Variants in PKM observed in about 807,000 individuals in gnomAD.
The protein encoded by PKM is pyruvate kinase M1/2.
Under a neutral mutation model 49.8 loss-of-function variants are expected in PKM, and 18 were observed. That is an observed-to-expected ratio of 0.36 (90% CI 0.25 to 0.54). PKM has a LOEUF of 0.54. PKM is among the 20% of genes least tolerant of loss of function. PKM has a pLI of 0.89. For synonymous variants in PKM, 239 were observed against 261.8 expected, an observed-to-expected ratio of 0.91 and a Z score of 0.84; for missense variants, 508 against 713.8, an observed-to-expected ratio of 0.71 and a Z score of 3.28.
At chr15:72,209,575 T>G in intron 5 of PKM, 98 bp downstream of exon 5, 13 of 999,060 alleles carry the variant, frequency 1.3e-5, no homozygotes, top group Non-Finnish European at 2.1e-5. Context: ...AGACTCAATC[T>G]CACTGCCAGG....
In PKM at chr15:72,207,256, G is replaced by A. The variant is rs773153928; in HGVS notation, c.858C>T (p.Ala286=). 2 of 1,614,018 alleles carry A rather than the reference G, an allele frequency of 1.2e-6. No homozygotes were observed. Among genetic ancestry groups the A allele is most frequent in the Non-Finnish European group, 1.7e-6 (2 of 1,180,008 alleles). Residue 286 remains alanine, a synonymous_variant, in exon 7 of 11, where the codon GCC becomes GCT. Transcript: ENST00000335181. ...CACGAGCCACCATGATCCCATCACT[G>A]GCCTCCAGGATTTCATCAAACCTGA... ...GVRRFDEILE[A]SDGIMVARGD...
At chr15:72,228,176 G>C (rs573646006) in intron 1 of PKM, among the ~76,000 whole-genome samples, 19 of 152,314 alleles carry the variant, frequency 1.2e-4, no homozygotes, top group African/African-American at 4.6e-4. Context: ...CAGTAACTGA[G>C]AAATGAGTTC....
rs1596735699 is a variant in PKM, at chr15:72,206,824, C to A, written c.1044G>T (p.Val348=). The A allele has an allele frequency of 1.2e-6, 2 of 1,614,178 alleles. No individual in the cohort carries two copies. The highest frequency in any genetic ancestry group is 1.7e-6 in the Non-Finnish European group (2 of 1,180,010). Residue 348 remains valine, a synonymous_variant, in exon 8 of 11, where the codon GTG becomes GTT. Coordinates refer to ENST00000335181, the MANE Select transcript of PKM (RefSeq NM_002654.6). ...PRPTRAEGSD[V]ANAVLDGADC... is the part of the protein sequence containing the mutation. ...CGGCTCCATCCAGGACTGCATTGGC[C>A]ACATCACTGCCTTCAGCCCGAGTGG...
rs751479501 is a variant in PKM at position 72,206,793 on chromosome 15, T to C, written c.1075A>G (p.Ile359Val). The change falls in exon 8 of 11, where the codon ATC (isoleucine) becomes GTC (valine). Residue 359 changes from isoleucine to valine, a missense_variant. Coordinates refer to ENST00000335181, the MANE Select transcript of PKM (RefSeq NM_002654.6). ...ANAVLDGADCIMLSGETAKGD... is the reference protein window; with the variant it reads ...ANAVLDGADCVMLSGETAKGD... ...TTGGCTGTTTCTCCAGACAGCATGA[T>C]GCAGTCGGCTCCATCCAGGACTGCA... is the stretch of plus-strand genomic sequence containing the variant. The C allele has an allele frequency of 2.5e-6, 4 of 1,614,180 alleles. No homozygotes were observed. Among genetic ancestry groups the C allele is most frequent in the Non-Finnish European group, 3.4e-6 (4 of 1,180,020 alleles).
intron 3 of PKM, among the ~76,000 whole-genome samples, chr15:72,214,974 G>A (rs189247486): frequency 6.5e-4 from 98 of 151,770 alleles, no homozygotes; most frequent in African/African-American, 2.3e-3. Flanking sequence ...CGAGGCAGTC[G>A]GATCACCTGA....
rs1036706095 is a variant in PKM, at chr15:72,231,140, A to G, written c.-38T>C. Reference sequence around the variant, plus strand: ...CCTCCGGCGCTGACCGACTCGGGCTACGCTGCAAAGACGAAGAGATCCGGA... The same window carrying G: ...CCTCCGGCGCTGACCGACTCGGGCTGCGCTGCAAAGACGAAGAGATCCGGA... On this transcript the variant is annotated 5_prime_UTR_variant, in exon 1 of 11. Coordinates refer to ENST00000335181, the MANE Select transcript of PKM (RefSeq NM_002654.6). The G allele has an allele frequency of 3.1e-6, 1 of 324,996 alleles. No homozygotes were observed. Among genetic ancestry groups the G allele is most frequent in the African/African-American group, 2.2e-5 (1 of 46,216 alleles). The allele number at this position is 324,996 out of a possible 1,614,324, so 20.1% of individuals were successfully genotyped here.
rs764572218 is a variant in PKM at position 72,218,990 on chromosome 15, A to G, written c.108T>C (p.Asp36=). Residue 36 remains aspartate, a synonymous_variant, in exon 2 of 11, where the codon GAT becomes GAC. Coordinates refer to ENST00000335181, the MANE Select transcript of PKM (RefSeq NM_002654.6). Reference sequence around the variant, plus strand: ...TGTTCCGGGCTGTGATGGGTGGTGAATCAATGTCCAGGCGGCACATGTGCT... The same window carrying G: ...TGTTCCGGGCTGTGATGGGTGGTGAGTCAATGTCCAGGCGGCACATGTGCT... ...FLEHMCRLDI[D]SPPITARNTG... The G allele has an allele frequency of 1.5e-4, 247 of 1,614,018 alleles. No homozygotes were observed. The highest frequency in any genetic ancestry group is 1.9e-4 in the Non-Finnish European group (227 of 1,180,032).
At position 72,200,584 on chromosome 15, in the gene PKM, G is replaced by C; in HGVS notation, c.1379C>G (p.Ala460Gly). 1 of 1,614,048 alleles carries C rather than the reference G, an allele frequency of 6.2e-7. No individual in the cohort carries two copies. The highest frequency in any genetic ancestry group is 8.5e-7 in the Non-Finnish European group (1 of 1,179,956). The change falls in exon 10 of 11, where the codon GCT becomes GGT. Residue 460 changes from alanine to glycine, a missense_variant. Ala to Gly is a moderately conservative substitution (Grantham distance 60). Coordinates refer to ENST00000335181, the MANE Select transcript of PKM (RefSeq NM_002654.6). The surrounding 1 kb of genome is among the most constrained non-coding windows in gnomAD (Gnocchi z 4.6). ...GCCACGGTACAGGTGGGCCTGACGA[G>C]CTGTCTGGGGATTCCGGGTCACAGC... is the stretch of plus-strand genomic sequence containing the variant. ...IIAVTRNPQTARQAHLYRGIF... is the reference protein window; with the variant it reads ...IIAVTRNPQTGRQAHLYRGIF...
At chr15:72,231,194 G>C (rs958355179), upstream of PKM, 1 of 261,356 alleles carries the variant, frequency 3.8e-6, no homozygotes, top group African/African-American at 2.3e-5. Context: ...GCTGTGCAAG[G>C]AGCCACTGCC....
intron 1 of PKM, among the ~76,000 whole-genome samples, chr15:72,225,575 AC>A (rs2082645906): frequency 6.6e-6 from 1 of 152,088 alleles, no homozygotes; most frequent in Non-Finnish European, 1.5e-5. Flanking sequence ...TCTATACTGA[AC>A]CCTATAATAT....
At chr15:72,206,940 A>G in intron 7 of PKM, 60 bp from the exon 8 acceptor site, 1 of 1,590,234 alleles carries the variant, frequency 6.3e-7, no homozygotes, top group Admixed American at 1.7e-5. Flanking sequence ...GACAAATGAC[A>G]GCAAGCTGAT....
At chr15:72,229,183 T>A (rs904735408) in intron 1 of PKM, among the ~76,000 whole-genome samples, 2 of 152,354 alleles carry the variant, frequency 1.3e-5, no homozygotes, top group African/African-American at 4.8e-5. Flanking sequence ...TTATGCTCAA[T>A]TGTGGACTAA....
At chr15:72,206,107 T>C (rs572292184) in intron 8 of PKM, among the ~76,000 whole-genome samples, 1 of 152,324 alleles carries the variant, frequency 6.6e-6, no homozygotes, top group African/African-American at 2.4e-5. Flanking sequence ...TCAACCCGAC[T>C]TTTTGGTCTA....
intron 1 of PKM, among the ~76,000 whole-genome samples, chr15:72,226,129 C>A (rs1409328476): frequency 6.6e-6 from 1 of 152,238 alleles, no homozygotes; most frequent in African/African-American, 2.4e-5. Flanking sequence ...CAAATCTCCT[C>A]TGAAATGGCA....
At chr15:72,205,737 A>C (rs1329438127) in intron 8 of PKM, among the ~76,000 whole-genome samples, 1 of 151,422 alleles carries the variant, frequency 6.6e-6, no homozygotes, top group Non-Finnish European at 1.5e-5. Context: ...ACTGGCTAGA[A>C]AGGGAATAGA....
At chr15:72,224,117 A>C (rs959555783) in intron 1 of PKM, among the ~76,000 whole-genome samples, 4 of 152,198 alleles carry the variant, frequency 2.6e-5, no homozygotes, top group Non-Finnish European at 5.9e-5. Flanking sequence ...CAATGTCCTC[A>C]GATGCCGAGG....
intron 1 of PKM, among the ~76,000 whole-genome samples, chr15:72,228,121 G>A (rs1393536694): frequency 6.6e-6 from 1 of 152,220 alleles, no homozygotes; most frequent in Admixed American, 6.5e-5. Context: ...AATGAAAGCA[G>A]TTGTGCTAGA....
intron 8 of PKM, among the ~76,000 whole-genome samples, chr15:72,205,825 T>C (rs551520264): frequency 1.3e-5 from 2 of 152,198 alleles, no homozygotes; most frequent in African/African-American, 4.8e-5. Flanking sequence ...GAAAGTTAAT[T>C]TCCAGCACTC....
chr15:72,202,657 G>C lies in PKM; in HGVS notation c.1141-37C>G, dbSNP rs536086396. ...ACATCCGTCCAGAGGGACGAGAGGG[G>C]GACAGAGCTTTGTCAGAGCTTTGTC... is the stretch of plus-strand genomic sequence containing the variant. On this transcript the variant is annotated intron_variant, in intron 8 of 10. Coordinates refer to ENST00000335181, the MANE Select transcript of PKM (RefSeq NM_002654.6). The surrounding 1 kb of genome is among the most constrained non-coding windows in gnomAD (Gnocchi z 4.5). 1 of 1,578,384 alleles carries C rather than the reference G, an allele frequency of 6.3e-7. No homozygotes were observed. The highest frequency in any genetic ancestry group is 1.7e-5 in the Admixed American group (1 of 58,352).
Sources: gnomAD v4.1 joint callset for allele counts (sites outside exome capture counted in the v4.1 genomes callset) on GRCh38, gnomAD v4.1.1 for gene constraint, Gnocchi (gnomAD v3.1) non-coding constraint, MANE v1.5 for transcripts, NCBI Gene and HGNC (gene_info 2026-07-23, HGNC 2026-07-21) for gene names.